The following FGGY variants were observed in gnomAD, a reference collection of about 807,000 sequenced individuals.
FGGY encodes the protein FGGY carbohydrate kinase domain containing, also known as FGGY carbohydrate kinase domain-containing protein.
Under a neutral mutation model 71.3 loss-of-function variants are expected in FGGY, and 72 were observed. The observed-to-expected ratio is 1.01, with a 90% CI of 0.84 to 1.23. FGGY has a LOEUF of 1.23. Among genes scored for constraint, FGGY ranks in the 50% most tolerant of loss-of-function variants. The pLI is 0.00. For synonymous variants in FGGY, 251 were observed against 250.3 expected (o/e 1.00, Z -0.02); for missense variants, 668 against 682.3 (o/e 0.98, Z 0.23).
intron 14 of FGGY, among the ~76,000 whole-genome samples, chr1:59,742,574 G>T (rs750540236): frequency 6.6e-6 from 1 of 152,184 alleles, no homozygotes; most frequent in Non-Finnish European, 1.5e-5. Flanking sequence ...ATGCCAGCAG[G>T]TTTACACCTA....
chr1:59,301,807 A>T (rs1192090487), intron 1 of FGGY, among the ~76,000 whole-genome samples: 1 of 139,842 alleles, frequency 7.2e-6, no homozygotes. Flanking sequence ...TCCACCTCCC[A>T]GGTTCAAGCG....
chr1:59,651,324 G>A (rs7519590), intron 11 of FGGY, among the ~76,000 whole-genome samples: 78 of 151,152 alleles, frequency 5.2e-4, no homozygotes, highest in Admixed American at 1.2e-3. Context: ...TTTCTGTCTC[G>A]TTGATCTGTC....
At chr1:59,730,598 G>A (rs1398624376) in intron 14 of FGGY, among the ~76,000 whole-genome samples, 1 of 152,176 alleles carries the variant, frequency 6.6e-6, no homozygotes, top group African/African-American at 2.4e-5. Flanking sequence ...TGCTTAGTGT[G>A]GAAAGACATC....
chr1:59,565,045 A>G (rs1168413825), intron 8 of FGGY, among the ~76,000 whole-genome samples: 3 of 152,118 alleles, frequency 2.0e-5, no homozygotes, highest in Non-Finnish European at 4.4e-5. Context: ...CCAAGGGTAC[A>G]AGGGAATGGG....
chr1:59,313,584 G>A (rs908412137), intron 1 of FGGY, among the ~76,000 whole-genome samples: 6 of 151,362 alleles, frequency 4.0e-5, no homozygotes, highest in African/African-American at 1.2e-4. Flanking sequence ...ACACACACAC[G>A]CACGCACACA....
intron 10 of FGGY, among the ~76,000 whole-genome samples, chr1:59,632,142 C>A (rs777410903): frequency 2.0e-5 from 3 of 152,162 alleles, no homozygotes; most frequent in African/African-American, 7.2e-5. Context: ...CAAACAAAGT[C>A]TTTGCTTTCA....
At chr1:59,734,940 T>A (rs1458249872) in intron 14 of FGGY, among the ~76,000 whole-genome samples, 1 of 152,226 alleles carries the variant, frequency 6.6e-6, no homozygotes, top group Non-Finnish European at 1.5e-5. Context: ...TGTAATTACC[T>A]GGCAGAGATA....
chr1:59,468,758 G>C (rs1225726041), intron 6 of FGGY, among the ~76,000 whole-genome samples: 1 of 151,702 alleles, frequency 6.6e-6, no homozygotes, highest in Non-Finnish European at 1.5e-5. Flanking sequence ...TGTAGTCCCA[G>C]CTACTTGGGA....
chr1:59,398,435 C>T (rs1318556944), intron 5 of FGGY, among the ~76,000 whole-genome samples: 1 of 152,138 alleles, frequency 6.6e-6, no homozygotes, highest in Non-Finnish European at 1.5e-5. Context: ...GATGGTGTTT[C>T]ACCATATTGG....
intron 14 of FGGY, among the ~76,000 whole-genome samples, chr1:59,687,808 C>G (rs1471133624): frequency 6.6e-6 from 1 of 152,056 alleles, no homozygotes; most frequent in African/African-American, 2.4e-5. Context: ...GTTCAAAGAC[C>G]TAGAGTAGGT....
chr1:59,732,780 G>C (rs144287383), intron 14 of FGGY, among the ~76,000 whole-genome samples: 1 of 152,104 alleles, frequency 6.6e-6, no homozygotes, highest in African/African-American at 2.4e-5. Context: ...CTGGTCTCAT[G>C]CTGCCGGCTG....
At chr1:59,750,156 A>G (rs925882163) in intron 14 of FGGY, among the ~76,000 whole-genome samples, 6 of 152,140 alleles carry the variant, frequency 3.9e-5, no homozygotes, top group African/African-American at 9.7e-5. Flanking sequence ...CCCCAAGCCC[A>G]TTTATCTCTA....
At chr1:59,561,386 G>A (rs2095791292) in intron 8 of FGGY, among the ~76,000 whole-genome samples, 1 of 152,180 alleles carries the variant, frequency 6.6e-6, no homozygotes, top group Admixed American at 6.5e-5. Context: ...CAAAGTATAT[G>A]CTAGGCATTG....
intron 5 of FGGY, among the ~76,000 whole-genome samples, chr1:59,427,057 C>G (rs1373377397): frequency 6.6e-6 from 1 of 152,180 alleles, no homozygotes; most frequent in Non-Finnish European, 1.5e-5. Flanking sequence ...GACTTTCTAC[C>G]TCACCCACCT....
At chr1:59,533,268 T>C (rs2095209647) in intron 7 of FGGY, among the ~76,000 whole-genome samples, 1 of 152,150 alleles carries the variant, frequency 6.6e-6, no homozygotes, top group Non-Finnish European at 1.5e-5. Context: ...ATCGGGTGAC[T>C]CCCACCCGAA....
intron 8 of FGGY, among the ~76,000 whole-genome samples, chr1:59,561,118 G>A (rs900988152): frequency 6.6e-6 from 1 of 152,224 alleles, no homozygotes; most frequent in Admixed American, 6.5e-5. Flanking sequence ...GAGTGGGCAA[G>A]TGGGACCAGT....
At chr1:59,330,747 A>G (rs1231987098) in intron 2 of FGGY, among the ~76,000 whole-genome samples, 2 of 152,112 alleles carry the variant, frequency 1.3e-5, no homozygotes, top group Non-Finnish European at 2.9e-5. Flanking sequence ...ATCGAATCCT[A>G]GCTGTAATAG....
At chr1:59,588,793 T>C (rs1379464883) in intron 8 of FGGY, among the ~76,000 whole-genome samples, 5 of 152,082 alleles carry the variant, frequency 3.3e-5, no homozygotes, top group Admixed American at 1.3e-4. Context: ...AAGGAAGCAC[T>C]AAACATGGAA....
At chr1:59,419,199 A>C (rs1366348073) in intron 5 of FGGY, among the ~76,000 whole-genome samples, 1 of 152,204 alleles carries the variant, frequency 6.6e-6, no homozygotes, top group African/African-American at 2.4e-5. Context: ...AGAAGCCGTC[A>C]AATATTTTTA....
Sources: allele counts gnomAD v4.1 joint callset (sites outside exome capture counted in the v4.1 genomes callset), GRCh38; gene constraint gnomAD v4.1.1; transcripts MANE v1.5; gene names NCBI Gene and HGNC (gene_info 2026-07-23, HGNC 2026-07-21).